The following ITCH variants were observed in gnomAD, a reference collection of about 807,000 sequenced individuals.
ITCH encodes the protein E3 ubiquitin-protein ligase Itchy homolog.
Under a neutral mutation model 126.8 loss-of-function variants are expected in ITCH, and 28 were observed. The observed-to-expected ratio is 0.22, with a 90% CI of 0.16 to 0.30. ITCH has a LOEUF of 0.30. Among genes scored for constraint, ITCH ranks in the 10% least tolerant of loss-of-function variants. The pLI is 1.00. For synonymous variants in ITCH, 342 were observed against 340.0 expected, an observed-to-expected ratio of 1.01 and a Z score of -0.06; for missense variants, 631 against 1,032.4, an observed-to-expected ratio of 0.61 and a Z score of 5.33.
intron 2 of ITCH, among the ~76,000 whole-genome samples, chr20:34,381,750 T>A (rs2038073686): frequency 6.6e-6 from 1 of 151,420 alleles, no homozygotes; most frequent in Admixed American, 6.6e-5. Flanking sequence ...TAGTCCCAGC[T>A]ATTTGGGGGA....
In ITCH at chr20:34,477,747, A is replaced by G. The variant is rs375258775; in HGVS notation, c.1570-25A>G. Reference sequence around the variant, plus strand: ...AGTGTTTCAATAGCTTTTTTCACCAATTATTTTACTTTATTTTTTTTTAGA... The same window carrying G: ...AGTGTTTCAATAGCTTTTTTCACCAGTTATTTTACTTTATTTTTTTTTAGA... On this transcript the variant is annotated intron_variant, in intron 16 of 24. Coordinates refer to ENST00000374864, the MANE Select transcript of ITCH (RefSeq NM_031483.7). The G allele has an allele frequency of 1.4e-5, 22 of 1,609,832 alleles. No homozygotes were observed. In the African/African-American group the frequency reaches 1.9e-4, roughly 14 times the overall value.
intron 10 of ITCH, 27 bp from the exon 11 acceptor site, chr20:34,445,260 G>GTTTTT (rs376762756): frequency 2.0e-4 from 285 of 1,435,588 alleles, no homozygotes; most frequent in South Asian, 5.8e-4. Context: ...GAATTAGCTT[G>GTTTTT]TTTTTTTTTT....
intron 16 of ITCH, among the ~76,000 whole-genome samples, chr20:34,473,924 A>G (rs1003631526): frequency 1.3e-5 from 2 of 152,192 alleles, no homozygotes; most frequent in Non-Finnish European, 2.9e-5. Flanking sequence ...AGATTTTCCA[A>G]TTAGTGGTAT....
chr20:34,450,842 A>G (rs1401647476), intron 12 of ITCH: 2 of 152,228 alleles, frequency 1.3e-5, no homozygotes, highest in Non-Finnish European at 2.9e-5. Flanking sequence ...AATAAATGCT[A>G]CTGGGGGTAT....
intron 14 of ITCH, among the ~76,000 whole-genome samples, chr20:34,463,934 A>G (rs1230749473): frequency 6.6e-6 from 1 of 151,846 alleles, no homozygotes; most frequent in Non-Finnish European, 1.5e-5. Flanking sequence ...CCTTTGATGT[A>G]TAAAACATTT....
At chr20:34,427,614 AAAAG>A (rs1014497168) in intron 7 of ITCH, among the ~76,000 whole-genome samples, 5 of 152,278 alleles carry the variant, frequency 3.3e-5, no homozygotes, top group African/African-American at 9.6e-5. Context: ...GTGTCAAAAA[AAAAG>A]AAAAGCAATA....
At chr20:34,414,312 A>G (rs993852880) in intron 6 of ITCH, among the ~76,000 whole-genome samples, 5 of 152,118 alleles carry the variant, frequency 3.3e-5, no homozygotes, top group African/African-American at 4.8e-5. Context: ...TCCATGAGTA[A>G]TGAGTTGATT....
intron 16 of ITCH, among the ~76,000 whole-genome samples, chr20:34,475,547 G>C (rs188605595): frequency 1.3e-5 from 2 of 152,046 alleles, no homozygotes; most frequent in African/African-American, 2.4e-5. Context: ...CGTAGGCACT[G>C]GGCAGGCTGA....
chr20:34,479,371 C>T (rs972961003), intron 17 of ITCH, among the ~76,000 whole-genome samples: 2 of 151,994 alleles, frequency 1.3e-5, no homozygotes, highest in East Asian at 1.9e-4. Context: ...ACAATTTAGT[C>T]GTTCATCAAA....
intron 10 of ITCH, among the ~76,000 whole-genome samples, chr20:34,444,550 T>C (rs1173667408): frequency 6.6e-6 from 1 of 151,892 alleles, no homozygotes; most frequent in African/African-American, 2.4e-5. Context: ...GCCATTGCAC[T>C]CCATCCAGTC....
At chr20:34,505,237 T>C (rs938358244) in intron 24 of ITCH, among the ~76,000 whole-genome samples, 1 of 152,032 alleles carries the variant, frequency 6.6e-6, no homozygotes, top group Non-Finnish European at 1.5e-5. Context: ...ACAGATGGGG[T>C]TTCGCCATGT....
chr20:34,505,608 A>G (rs1392488225), intron 24 of ITCH, among the ~76,000 whole-genome samples: 1 of 149,366 alleles, frequency 6.7e-6, no homozygotes, highest in Non-Finnish European at 1.5e-5. Flanking sequence ...GCTGGAGTGC[A>G]GTGGCGTGAT....
chr20:34,421,535 C>T (rs1980762700), intron 6 of ITCH, among the ~76,000 whole-genome samples: 1 of 152,172 alleles, frequency 6.6e-6, no homozygotes, highest in Non-Finnish European at 1.5e-5. Context: ...TTGTAAAATG[C>T]AGTGGTTAAG....
chr20:34,454,174 G>C (rs1985594153), intron 12 of ITCH, among the ~76,000 whole-genome samples: 2 of 143,782 alleles, frequency 1.4e-5, no homozygotes, highest in African/African-American at 5.1e-5. Context: ...GTCTCGCTCT[G>C]TCGCCCAGGC....
rs1989643328 is a variant in ITCH at position 34,493,307 on chromosome 20, C to T, written c.2416+710C>T. 2.6e-5 allele frequency among the ~76,000 whole-genome samples: 4 copies of T among 152,202 alleles called. No homozygotes were observed. In the South Asian group the frequency reaches 6.2e-4, roughly 24 times the overall value. The stretch of plus-strand genomic sequence containing the variant: ...GAACATGGAACCAGTTTAGAAAGTA[C>T]TTTAAAAGCCAGAAAAAGAATTTGG... On this transcript the variant is annotated intron_variant, in intron 23 of 24. Coordinates refer to ENST00000374864, the MANE Select transcript of ITCH (RefSeq NM_031483.7).
intron 7 of ITCH, among the ~76,000 whole-genome samples, chr20:34,433,002 A>C (rs1982514735): frequency 1.4e-5 from 2 of 147,446 alleles, no homozygotes; most frequent in South Asian, 4.3e-4. Context: ...AAAAAGAAAC[A>C]ATTTAGGCCG....
intron 14 of ITCH, among the ~76,000 whole-genome samples, chr20:34,469,606 G>A (rs1457481526): frequency 6.6e-6 from 1 of 152,064 alleles, no homozygotes; most frequent in Non-Finnish European, 1.5e-5. Context: ...GATCCTTCTT[G>A]AACGTTTCAT....
chr20:34,474,370 C>G (rs537363568), intron 16 of ITCH, among the ~76,000 whole-genome samples: 2 of 152,180 alleles, frequency 1.3e-5, no homozygotes, highest in Admixed American at 1.3e-4. Flanking sequence ...TGACTCTTAA[C>G]GAGCATGCTG....
intron 2 of ITCH, among the ~76,000 whole-genome samples, chr20:34,388,954 A>G (rs2038389048): frequency 6.6e-6 from 1 of 152,146 alleles, no homozygotes; most frequent in Admixed American, 6.6e-5. Context: ...CTGTCCTAGA[A>G]CTTAAAATGA....
Sources: allele counts gnomAD v4.1 joint callset (sites outside exome capture counted in the v4.1 genomes callset), GRCh38; gene constraint gnomAD v4.1.1; transcripts MANE v1.5; gene names NCBI Gene and HGNC (gene_info 2026-07-23, HGNC 2026-07-21).